IL10RA: variants seen among roughly 807,000 people sequenced by gnomAD.
IL10RA encodes the protein interleukin-10 receptor subunit alpha.
IL10RA carries 18 observed loss-of-function variants against 29.6 expected under a neutral mutation model. The observed-to-expected ratio is 0.61, with a 90% CI of 0.42 to 0.90. The LOEUF is 0.90. Ranked by LOEUF, IL10RA falls within the 40% of genes least tolerant of loss-of-function variation. The pLI, the probability that IL10RA is intolerant of heterozygous loss-of-function variation, is 0.00. For missense variants in IL10RA, 634 were observed against 716.6 expected (o/e 0.88, Z 1.32); for synonymous variants, 292 against 294.1 (o/e 0.99, Z 0.07).
At chr11:117,997,082 G>C (rs986010107) in intron 6 of IL10RA, among the ~76,000 whole-genome samples, 1 of 152,180 alleles carries the variant, frequency 6.6e-6, no homozygotes, top group African/African-American at 2.4e-5. Context: ...GTTCATCAAG[G>C]TAAGTATTAT....
At chr11:117,992,375 G>GA (rs1591263032) in intron 3 of IL10RA, among the ~76,000 whole-genome samples, 2 of 152,102 alleles carry the variant, frequency 1.3e-5, no homozygotes, top group African/African-American at 4.8e-5. Context: ...CCATCTTTTG[G>GA]ATAATAGCCA....
rs1325744149 is a variant in IL10RA at position 117,986,402 on chromosome 11, C to T, written c.-66C>T. 3 of 1,479,714 alleles carry T rather than the reference C, an allele frequency of 2.0e-6. No homozygotes were observed. Among genetic ancestry groups the T allele is most frequent in the African/African-American group, 1.4e-5 (1 of 71,658 alleles). The allele number at this position is 1,479,714 out of a possible 1,614,324, so 91.7% of individuals were successfully genotyped here. A position where few individuals can be genotyped will look rare whatever the true frequency, so the allele number is the denominator to read the frequency against. On this transcript the variant is annotated 5_prime_UTR_variant, in exon 1 of 7. Transcript: ENST00000227752. The stretch of plus-strand genomic sequence containing the variant: ...CGGGCGGCGGAGCTGTCAGTCCCAG[C>T]CCAAGGGTAGCTGGAGGCGCGCAGG...
rs2058009646 is a variant in IL10RA, at chr11:117,989,637, G to A, written c.367+17G>A. 1 of 1,612,412 alleles carries A rather than the reference G, an allele frequency of 6.2e-7. No individual in the cohort carries two copies. The highest frequency in any genetic ancestry group is 1.7e-5 in the Admixed American group (1 of 59,992). ...TGGATGAAGGTGCTTTTCCTCCCTTGACTTAGAACATGGCTCTGAAGTCCC... is the reference window on the plus strand; with the variant it reads ...TGGATGAAGGTGCTTTTCCTCCCTTAACTTAGAACATGGCTCTGAAGTCCC... On this transcript the variant is annotated intron_variant, in intron 3 of 6. Transcript: ENST00000227752. The surrounding 1 kb of genome is among the most constrained non-coding windows in gnomAD (Gnocchi z 4.5).
At chr11:117,992,668 CT>C (rs1265266332) in intron 3 of IL10RA, among the ~76,000 whole-genome samples, 4 of 152,142 alleles carry the variant, frequency 2.6e-5, no homozygotes, top group Admixed American at 2.6e-4. Context: ...GTGGTTGTTT[CT>C]TTTGCTGTGC....
chr11:117,994,853 T>G (rs1039241454), intron 5 of IL10RA: 1 of 155,916 alleles, frequency 6.4e-6, no homozygotes, highest in African/African-American at 2.4e-5. Flanking sequence ...TGACTCCTGC[T>G]AGATCTGCAA....
chr11:117,994,323 A>G (rs2058042758), intron 5 of IL10RA, 174 bp downstream of exon 5: 1 of 612,626 alleles, frequency 1.6e-6, no homozygotes, highest in Non-Finnish European at 2.8e-6. Flanking sequence ...GAGATGAGGG[A>G]ACTGAGGCTC....
chr11:117,992,467 T>A (rs977312989), intron 3 of IL10RA, among the ~76,000 whole-genome samples: 3 of 152,254 alleles, frequency 2.0e-5, no homozygotes, highest in African/African-American at 7.2e-5. Flanking sequence ...CATTTTTTCA[T>A]GTATCTGTTG....
At position 117,993,223 on chromosome 11, in the gene IL10RA, C is replaced by T. The variant is rs4252308; in HGVS notation, c.368-18C>T. On this transcript the variant is annotated intron_variant, in intron 3 of 6. Transcript: ENST00000227752. Reference sequence around the variant, plus strand: ...CCTCAAGTCTCATGGTATTCCCCCCCACCCCAACTCCATTTAGTGACTCTG... The same window carrying T: ...CCTCAAGTCTCATGGTATTCCCCCCTACCCCAACTCCATTTAGTGACTCTG... 2.0e-5 allele frequency: 32 copies of T among 1,612,730 alleles called. No homozygotes were observed. The highest frequency in any genetic ancestry group is 5.5e-5 in the South Asian group (5 of 91,048).
Position 117,988,246 on chromosome 11 carries a change from C to T in IL10RA, c.68-136C>T, listed in dbSNP as rs898678562. 12 of 1,007,384 alleles carry T rather than the reference C, an allele frequency of 1.2e-5. No individual in the cohort carries two copies. In the Admixed American group the frequency reaches 1.6e-4, roughly 13 times the overall value. 62.4% of individuals were successfully genotyped at this position (1,007,384 alleles called of 1,614,324 possible). A position where few individuals can be genotyped will look rare whatever the true frequency, so the allele number is the denominator to read the frequency against. ...TCAGACACATGTGGATTCATGTGCC[C>T]ACTCTGCCCCTTACGGGCTCCGCTG... On this transcript the variant is annotated intron_variant, in intron 1 of 6. Transcript: ENST00000227752.
downstream of IL10RA, chr11:118,002,461 G>C (rs1189847584): frequency 6.6e-6 from 1 of 152,222 alleles, no homozygotes; most frequent in African/African-American, 2.4e-5. Flanking sequence ...GTCAATATTG[G>C]AAAGAAAAGT....
chr11:117,997,117 A>C (rs1039306700), intron 6 of IL10RA, among the ~76,000 whole-genome samples: 5 of 152,246 alleles, frequency 3.3e-5, no homozygotes, highest in Admixed American at 2.0e-4. Flanking sequence ...ATTTCAAATC[A>C]GGACAGTTGA....
rs111531127 is a variant in IL10RA at position 117,989,955 on chromosome 11, G to A, written c.367+335G>A. On this transcript the variant is annotated intron_variant, in intron 3 of 6. Transcript: ENST00000227752. The surrounding 1 kb of genome is among the most constrained non-coding windows in gnomAD (Gnocchi z 4.5). ...AGCGAATCCATGAACACTCAGCATA[G>A]GGCAGCAAGCAGTAGGCAGAATTTG... Among the ~76,000 whole-genome samples, 532 of 152,226 alleles carry A rather than the reference G, an allele frequency of 3.5e-3. 2 individuals carry two copies. Among genetic ancestry groups the A allele is most frequent in the African/African-American group, 0.012 (487 of 41,528 alleles).
chr11:117,999,201 C>A lies in IL10RA; in HGVS notation c.1297C>A (p.Pro433Thr), dbSNP rs750097831. 4 of 1,614,220 alleles carry A rather than the reference C, an allele frequency of 2.5e-6. No homozygotes were observed. In the South Asian group the frequency reaches 4.4e-5, roughly 18 times the overall value. The change falls in exon 7 of 7, where the codon CCT (proline) becomes ACT (threonine). Residue 433 changes from proline to threonine, a missense_variant. Transcript: ENST00000227752. ...GHHSPPEPEVPGEEDPAAVAF... is the reference protein window; with the variant it reads ...GHHSPPEPEVTGEEDPAAVAF... ...CCACAGTCCCCCGGAGCCTGAGGTGCCTGGGGAAGAAGACCCAGCTGCTGT... is the reference window on the plus strand; with the variant it reads ...CCACAGTCCCCCGGAGCCTGAGGTGACTGGGGAAGAAGACCCAGCTGCTGT...
Position 117,988,505 on chromosome 11 carries a change from G to A in IL10RA, c.188+3G>A, listed in dbSNP as rs780334422. On this transcript the variant is annotated splice_donor_region_variant and intron_variant, in intron 2 of 6. Transcript: ENST00000227752. ...TGCTATGAAGTGGCGCTCCTGAGGT[G>A]AGGAAAAGGGAAGAGGGAGGGGGAG... 9.3e-6 allele frequency: 15 copies of A among 1,614,052 alleles called. No homozygotes were observed. The East Asian group carries it at 1.8e-4, about 19-fold the overall frequency.
intron 3 of IL10RA, among the ~76,000 whole-genome samples, chr11:117,991,487 C>T (rs1265730007): frequency 2.0e-5 from 3 of 152,148 alleles, no homozygotes; most frequent in Non-Finnish European, 4.4e-5. Context: ...GCAATAGGCA[C>T]CAGAACTTAT....
rs915572059 is a variant in IL10RA at position 117,998,907 on chromosome 11, T to C, written c.1003T>C (p.Phe335Leu). 7 of 1,614,140 alleles carry C rather than the reference T, an allele frequency of 4.3e-6. No individual in the cohort carries two copies. The highest frequency in any genetic ancestry group is 5.9e-6 in the Non-Finnish European group (7 of 1,180,004). ...ATCCCTGCAGACTGAAGAGCCCCAG[T>C]TCCTCCTCCCTGACCCTCACCCCCA... ...KPSLQTEEPQFLLPDPHPQAD... is the reference protein window; with the variant it reads ...KPSLQTEEPQLLLPDPHPQAD... Residue 335 changes from phenylalanine to leucine, a missense_variant, in exon 7 of 7, where the codon TTC becomes CTC. Physicochemically the swap from Phe to Leu is conservative, Grantham distance 22. Transcript: ENST00000227752.
chr11:118,000,549 A>G lies in IL10RA; in HGVS notation c.*908A>G. The stretch of plus-strand genomic sequence containing the variant: ...CAGCTCATGCCAGCCCCAGAGGGTC[A>G]GGGTTGGAGGCCTGTGCTTGTGTTT... On this transcript the variant is annotated 3_prime_UTR_variant, in exon 7 of 7. Transcript: ENST00000227752. 2.2e-6 allele frequency: 1 copy of G among 454,258 alleles called. No individual in the cohort carries two copies. Among genetic ancestry groups the G allele is most frequent in the Non-Finnish European group, 4.4e-6 (1 of 226,790 alleles). 28.1% of individuals were successfully genotyped at this position (454,258 alleles called of 1,614,324 possible). A position where few individuals can be genotyped will look rare whatever the true frequency, so the allele number is the denominator to read the frequency against.
downstream of IL10RA, chr11:118,001,821 C>A: frequency 5.4e-6 from 1 of 185,958 alleles, no homozygotes. Flanking sequence ...CTGTCATTGG[C>A]TGTTGAGTCT....
At chr11:117,994,227 G>GTGC in intron 5 of IL10RA, 78 bp downstream of exon 5, 6 of 1,290,176 alleles carry the variant, frequency 4.7e-6, no homozygotes, top group Non-Finnish European at 6.6e-6. Flanking sequence ...GTGCACCTGG[G>GTGC]ATGCTGGTGC....
Sources: gnomAD v4.1 joint callset for allele counts (sites outside exome capture counted in the v4.1 genomes callset) on GRCh38, gnomAD v4.1.1 for gene constraint, Gnocchi (gnomAD v3.1) non-coding constraint, MANE v1.5 for transcripts, NCBI Gene and HGNC (gene_info 2026-07-23, HGNC 2026-07-21) for gene names.